Variants in REEP3 observed in about 807,000 individuals in gnomAD.
REEP3 encodes receptor accessory protein 3.
Under a neutral mutation model 41.3 loss-of-function variants are expected in REEP3, and 20 were observed. The observed-to-expected ratio is 0.48, with a 90% CI of 0.34 to 0.70. REEP3 has a LOEUF of 0.70. Ranked by LOEUF, REEP3 falls within the 30% of genes least tolerant of loss-of-function variation. REEP3 has a pLI of 0.01. For synonymous variants in REEP3, 104 were observed against 101.8 expected, an observed-to-expected ratio of 1.02 and a Z score of -0.13; for missense variants, 271 against 308.8, an observed-to-expected ratio of 0.88 and a Z score of 0.92.
chr10:63,589,764 G>A (rs1195925573), intron 2 of REEP3, among the ~76,000 whole-genome samples: 2 of 131,480 alleles, frequency 1.5e-5, no homozygotes, highest in Non-Finnish European at 3.2e-5. Context: ...GACGTCTAAT[G>A]TACTAAGAAC....
At chr10:63,537,277 G>A (rs952972278) in intron 1 of REEP3, among the ~76,000 whole-genome samples, 1 of 152,072 alleles carries the variant, frequency 6.6e-6, no homozygotes, top group Non-Finnish European at 1.5e-5. Flanking sequence ...TGGTATGATA[G>A]CATTTTAAAG....
At chr10:63,533,645 T>A (rs955123665) in intron 1 of REEP3, among the ~76,000 whole-genome samples, 1 of 151,764 alleles carries the variant, frequency 6.6e-6, no homozygotes, top group Non-Finnish European at 1.5e-5. Context: ...CGTGAGTGAA[T>A]GAAAGTACTC....
At chr10:63,543,266 T>C (rs1955546112) in intron 1 of REEP3, among the ~76,000 whole-genome samples, 1 of 152,226 alleles carries the variant, frequency 6.6e-6, no homozygotes, top group Non-Finnish European at 1.5e-5. Flanking sequence ...TCTCATGTTT[T>C]AATAACATGG....
chr10:63,599,628 C>G, intron 5 of REEP3: 5 of 913,838 alleles, frequency 5.5e-6, no homozygotes, highest in Non-Finnish European at 6.5e-6. Flanking sequence ...TTCTTTCTCT[C>G]TCTTTTTTTC....
intron 1 of REEP3, among the ~76,000 whole-genome samples, chr10:63,529,454 T>TTTTATTTA (rs35325932): frequency 6.6e-6 from 1 of 151,350 alleles, no homozygotes; most frequent in Non-Finnish European, 1.5e-5. Flanking sequence ...CTTTTATTTA[T>TTTTATTTA]TTTATTTATT....
chr10:63,590,371 T>C (rs1200034195), intron 2 of REEP3, among the ~76,000 whole-genome samples: 4 of 152,246 alleles, frequency 2.6e-5, no homozygotes, highest in African/African-American at 9.6e-5. Context: ...TTTTTAATGT[T>C]GCCACCTGAG....
chr10:63,612,195 G>C (rs1390893707), intron 6 of REEP3, among the ~76,000 whole-genome samples: 1 of 151,598 alleles, frequency 6.6e-6, no homozygotes, highest in Non-Finnish European at 1.5e-5. Flanking sequence ...TTTATTTTGA[G>C]ACAGGGTCTC....
intron 6 of REEP3, 41 bp downstream of exon 6, chr10:63,610,375 A>C: frequency 6.5e-7 from 1 of 1,544,020 alleles, no homozygotes; most frequent in Non-Finnish European, 8.8e-7. Context: ...TTTACATGGA[A>C]ACAGGGAGGG....
chr10:63,591,533 C>T (rs993229863), intron 2 of REEP3, among the ~76,000 whole-genome samples: 4 of 152,006 alleles, frequency 2.6e-5, no homozygotes, highest in African/African-American at 9.7e-5. Flanking sequence ...CTAGAAATAC[C>T]CTATTGATTA....
intron 5 of REEP3, among the ~76,000 whole-genome samples, chr10:63,605,839 C>T (rs145789536): frequency 2.0e-5 from 3 of 152,212 alleles, no homozygotes; most frequent in Admixed American, 6.5e-5. Flanking sequence ...TGCTTCTCAG[C>T]TGAAGAATCC....
At chr10:63,615,198 G>A (rs1046018804) in intron 6 of REEP3, among the ~76,000 whole-genome samples, 1 of 152,136 alleles carries the variant, frequency 6.6e-6, no homozygotes, top group African/African-American at 2.4e-5. Context: ...TTAGCCCTGA[G>A]TAGTGAGCTT....
At chr10:63,563,021 C>G in intron 1 of REEP3, 1 of 456,444 alleles carries the variant, frequency 2.2e-6, no homozygotes, top group Non-Finnish European at 4.4e-6. Flanking sequence ...AGGCCACACA[C>G]ACAAACTGAG....
intron 1 of REEP3, among the ~76,000 whole-genome samples, chr10:63,533,918 G>C (rs1043562725): frequency 6.6e-6 from 1 of 151,786 alleles, no homozygotes; most frequent in Non-Finnish European, 1.5e-5. Flanking sequence ...ATGTTGGCCG[G>C]GCTGGTCTCA....
intron 2 of REEP3, among the ~76,000 whole-genome samples, chr10:63,569,296 G>C (rs1329314489): frequency 1.3e-5 from 2 of 151,924 alleles, no homozygotes; most frequent in Admixed American, 1.3e-4. Flanking sequence ...ATCTTTTTTT[G>C]AGTCTAATTC....
At chr10:63,553,899 G>A (rs1001074447) in intron 1 of REEP3, among the ~76,000 whole-genome samples, 5 of 152,044 alleles carry the variant, frequency 3.3e-5, no homozygotes, top group East Asian at 3.9e-4. Flanking sequence ...TCAGGAGATC[G>A]AGACCATCCT....
At chr10:63,551,077 CA>C (rs1444988218) in intron 1 of REEP3, among the ~76,000 whole-genome samples, 3 of 152,238 alleles carry the variant, frequency 2.0e-5, no homozygotes, top group Admixed American at 2.0e-4. Flanking sequence ...ATCTTGGTTT[CA>C]AATACCATTT....
rs1956351101 is a variant in REEP3 at position 63,621,235 on chromosome 10, G to A, written c.*366G>A. ...TAAATCAGCCTTTGTGATGTACTGT[G>A]TTTACCTCCTTTTGTGTTGTATCTG... On this transcript the variant is annotated 3_prime_UTR_variant, in exon 8 of 8. Transcript: ENST00000373758. 1 of 160,928 alleles carries A rather than the reference G, an allele frequency of 6.2e-6. No homozygotes were observed. Among genetic ancestry groups the A allele is most frequent in the South Asian group, 1.9e-4 (1 of 5,284 alleles). The allele number at this position is 160,928 out of a possible 1,614,324, so 10.0% of individuals were successfully genotyped here.
intron 2 of REEP3, among the ~76,000 whole-genome samples, chr10:63,587,907 T>C (rs1956022466): frequency 6.6e-6 from 1 of 152,220 alleles, no homozygotes; most frequent in Non-Finnish European, 1.5e-5. Flanking sequence ...ATACTTCTCT[T>C]GTTTCATTGT....
chr10:63,547,232 C>T (rs1955587846), intron 1 of REEP3, among the ~76,000 whole-genome samples: 2 of 152,206 alleles, frequency 1.3e-5, no homozygotes, highest in Admixed American at 6.5e-5. Flanking sequence ...TTCTTCACGA[C>T]TTTAAGATAA....
Sources: allele counts gnomAD v4.1 joint callset (sites outside exome capture counted in the v4.1 genomes callset), GRCh38; gene constraint gnomAD v4.1.1; transcripts MANE v1.5; gene names NCBI Gene and HGNC (gene_info 2026-07-23, HGNC 2026-07-21).